RTTN: variants seen among roughly 807,000 people sequenced by gnomAD.
The protein encoded by RTTN is rotatin.
Under a neutral mutation model 269.2 loss-of-function variants are expected in RTTN, and 182 were observed. The ratio of observed to expected loss-of-function variants is 0.68; its 90% confidence interval spans 0.60 to 0.76. The LOEUF is 0.76. Ranked by LOEUF, RTTN falls within the 30% of genes least tolerant of loss-of-function variation. The pLI, the probability that RTTN is intolerant of heterozygous loss-of-function variation, is 0.00. For missense variants in RTTN, 2,545 were observed against 2,608.6 expected (o/e 0.98, Z 0.53); for synonymous variants, 1,006 against 963.5 (o/e 1.04, Z -0.82).
intron 40 of RTTN, among the ~76,000 whole-genome samples, chr18:70,032,615 A>G (rs1328797746): frequency 6.6e-6 from 1 of 152,264 alleles, no homozygotes; most frequent in African/African-American, 2.4e-5. Context: ...ACTCAATTCA[A>G]CAAGGCAACC....
chr18:70,144,719 C>T (rs541207118), intron 18 of RTTN, among the ~76,000 whole-genome samples: 11 of 152,294 alleles, frequency 7.2e-5, no homozygotes, highest in African/African-American at 2.2e-4. Context: ...CCTGCCAGCA[C>T]TGTCATAAAG....
At position 70,011,242 on chromosome 18, in the gene RTTN, G is replaced by T. The variant is rs941200595; in HGVS notation, c.6422-4758C>A. Among the ~76,000 whole-genome samples the T allele has an allele frequency of 3.9e-5, 6 of 152,092 alleles. 1 individual carries two copies. Among genetic ancestry groups the T allele is most frequent in the African/African-American group, 7.2e-5 (3 of 41,398 alleles). On this transcript the variant is annotated intron_variant, in intron 46 of 48. Transcript: ENST00000640769. Reference sequence around the variant, plus strand: ...AATCCTCTCTAACTCATTTTATGAGGCCAGCATCATCCTGATACAAAAACC... The same window carrying T: ...AATCCTCTCTAACTCATTTTATGAGTCCAGCATCATCCTGATACAAAAACC...
At chr18:70,093,586 TTA>T (rs1340769063) in intron 28 of RTTN, among the ~76,000 whole-genome samples, 1 of 152,224 alleles carries the variant, frequency 6.6e-6, no homozygotes, top group Non-Finnish European at 1.5e-5. Context: ...CTGGTTCTGT[TTA>T]TGTGATGGAT....
rs1427231288 is a variant in RTTN, at chr18:70,204,136, G to A, written c.347C>T (p.Pro116Leu). The A allele has an allele frequency of 5.6e-6, 9 of 1,614,060 alleles. No homozygotes were observed. In the East Asian group the frequency reaches 1.1e-4, roughly 20 times the overall value. ...AGAAGATAGTGCAGGAACTTCCGAA[G>A]GAAGAAGAAAAAGTCCATCCAGAAT... is the stretch of plus-strand genomic sequence containing the variant. The part of the protein sequence containing the change: ...DGILDGLFLL[P>L]SEVPALSSAS... The change falls in exon 3 of 49, where the codon CCT becomes CTT. Residue 116 changes from proline (P) to leucine (L), a missense_variant. Pro to Leu is a moderately conservative substitution (Grantham distance 98, BLOSUM62 -3). Transcript: ENST00000640769.
chr18:70,167,322 C>T (rs2061014426), intron 12 of RTTN, among the ~76,000 whole-genome samples: 1 of 152,154 alleles, frequency 6.6e-6, no homozygotes, highest in African/African-American at 2.4e-5. Flanking sequence ...GTAGCTCTAC[C>T]TCCCCTAATA....
At chr18:70,051,613 T>G in intron 38 of RTTN, 65 bp from the exon 39 acceptor site, 1 of 1,261,414 alleles carries the variant, frequency 7.9e-7, no homozygotes, top group Non-Finnish European at 1.1e-6. Flanking sequence ...TTTCAAGATA[T>G]AAAACTTACC....
intron 36 of RTTN, 122 bp downstream of exon 36, chr18:70,059,728 T>A: frequency 1.7e-6 from 1 of 602,356 alleles, no homozygotes; most frequent in Admixed American, 3.9e-5. Context: ...TAGAGTTCAA[T>A]GAGCCTAAAA....
At chr18:70,115,197 T>C (rs2059573487) in intron 26 of RTTN, among the ~76,000 whole-genome samples, 1 of 152,036 alleles carries the variant, frequency 6.6e-6, no homozygotes, top group African/African-American at 2.4e-5. Context: ...TAGTTTTAAT[T>C]TTTTGATATA....
chr18:70,138,134 C>T (rs1408594839), intron 21 of RTTN: 2 of 152,234 alleles, frequency 1.3e-5, no homozygotes, highest in Admixed American at 1.3e-4. Context: ...CAAAAATTAC[C>T]CAGGCATGGT....
rs781753475 is a variant in RTTN at position 70,060,386 on chromosome 18, G to C, written c.4748-344C>G. On this transcript the variant is annotated intron_variant, in intron 35 of 48. Coordinates refer to ENST00000640769, the MANE Select transcript of RTTN (RefSeq NM_173630.4). ...ATTTACAATCCTTTTTCTGAAACTC[G>C]AGGGGCCAAAGGTGTGTCCAAATTC... Among the ~76,000 whole-genome samples the C allele has an allele frequency of 3.9e-3, 587 of 152,206 alleles. 3 individuals are homozygous for C. The highest frequency in any genetic ancestry group is 6.6e-3 in the Non-Finnish European group (449 of 68,000).
intron 11 of RTTN, among the ~76,000 whole-genome samples, chr18:70,175,641 A>AT (rs1282342613): frequency 3.9e-5 from 6 of 152,210 alleles, no homozygotes; most frequent in African/African-American, 1.4e-4. Context: ...ACCAAAAAAA[A>AT]AAAAAATCCC....
Position 70,048,062 on chromosome 18 carries a change from T to C in RTTN, c.5450A>G (p.His1817Arg), listed in dbSNP as rs1473067397. 1 of 1,614,132 alleles carries C rather than the reference T, an allele frequency of 6.2e-7. No individual in the cohort carries two copies. The highest frequency in any genetic ancestry group is 8.5e-7 in the Non-Finnish European group (1 of 1,179,972). The change falls in exon 40 of 49, where the codon CAT becomes CGT. Residue 1817 changes from histidine (H) to arginine (R), a missense_variant. His to Arg is a conservative substitution (Grantham distance 29). Transcript: ENST00000640769. ...KGHLQAKSKT[H>R]LCCSPTVASL... Reference sequence around the variant, plus strand: ...AGCCACTGTTGGACTACAGCATAAATGTGTTTTGCTCTTAGCCTGGAGATG... The same window carrying C: ...AGCCACTGTTGGACTACAGCATAAACGTGTTTTGCTCTTAGCCTGGAGATG...
chr18:70,069,081 G>T (rs1344235705), intron 34 of RTTN, among the ~76,000 whole-genome samples: 1 of 152,094 alleles, frequency 6.6e-6, no homozygotes, highest in African/African-American at 2.4e-5. Flanking sequence ...ATGTTCTGGG[G>T]ATCTAATGTG....
chr18:70,138,033 C>T lies in RTTN; in HGVS notation c.2788+1566G>A, dbSNP rs147256700. On this transcript the variant is annotated intron_variant, in intron 21 of 48. Coordinates refer to ENST00000640769, the MANE Select transcript of RTTN (RefSeq NM_173630.4). Reference sequence around the variant, plus strand: ...GTGGCTCACGACTGTAATCCCAGCACTTTGGGAGGCCAAGGCAGGTGGATC... The same window carrying T: ...GTGGCTCACGACTGTAATCCCAGCATTTTGGGAGGCCAAGGCAGGTGGATC... 6.0e-3 allele frequency among the ~76,000 whole-genome samples: 909 copies of T among 152,304 alleles called. 3 individuals are homozygous for T. Among genetic ancestry groups the T allele is most frequent in the Middle Eastern group, 0.01 (3 of 294 alleles).
At chr18:70,111,515 T>C (rs112843652) in intron 27 of RTTN, among the ~76,000 whole-genome samples, 7 of 151,804 alleles carry the variant, frequency 4.6e-5, no homozygotes, top group African/African-American at 1.7e-4. Flanking sequence ...GCACGTCCAC[T>C]CAAAGATCCC....
intron 10 of RTTN, among the ~76,000 whole-genome samples, chr18:70,184,027 C>CA (rs2061477254): frequency 6.6e-6 from 1 of 152,108 alleles, no homozygotes; most frequent in South Asian, 2.1e-4. Context: ...GCTGGCCTCC[C>CA]AAAGTGCTTC....
At chr18:70,005,141 A>C in intron 48 of RTTN, 57 bp downstream of exon 48, 1 of 1,355,964 alleles carries the variant, frequency 7.4e-7, no homozygotes, top group Admixed American at 1.9e-5. Flanking sequence ...CATTAATCAG[A>C]AAATCCACTT....
intron 46 of RTTN, among the ~76,000 whole-genome samples, chr18:70,012,864 C>A (rs1019918115): frequency 6.6e-6 from 1 of 152,040 alleles, no homozygotes. Context: ...AATAAATATT[C>A]GTTGTGTGAA....
chr18:70,137,375 T>A (rs1405572376), intron 21 of RTTN, among the ~76,000 whole-genome samples: 2 of 152,170 alleles, frequency 1.3e-5, no homozygotes, highest in Non-Finnish European at 2.9e-5. Context: ...AATTCTGTCA[T>A]AACATAAAGT....
Sources: gnomAD v4.1 joint callset for allele counts (sites outside exome capture counted in the v4.1 genomes callset) on GRCh38, gnomAD v4.1.1 for gene constraint, MANE v1.5 for transcripts, NCBI Gene and HGNC (gene_info 2026-07-23, HGNC 2026-07-21) for gene names.